Variants in TECPR2 observed in about 807,000 individuals in gnomAD.
TECPR2 encodes tectonin beta-propeller repeat-containing protein 2.
A neutral mutation model predicts 138.1 loss-of-function variants in TECPR2; 65 were observed. The observed-to-expected ratio is 0.47, with a 90% CI of 0.39 to 0.58. TECPR2 has a LOEUF of 0.58. TECPR2 is among the 20% of genes least tolerant of loss of function. The pLI is 0.00. For synonymous variants in TECPR2, 746 were observed against 749.8 expected (o/e 0.99, Z 0.08); for missense variants, 1,553 against 1,824.5 (o/e 0.85, Z 2.71).
chr14:102,488,603 C>T (rs1336179855), intron 17 of TECPR2, among the ~76,000 whole-genome samples: 3 of 152,010 alleles, frequency 2.0e-5, no homozygotes, highest in Non-Finnish European at 2.9e-5. Flanking sequence ...CTCAGCCTCC[C>T]GAAGTGCTGG....
intron 13 of TECPR2, among the ~76,000 whole-genome samples, chr14:102,447,385 A>G (rs1374489532): frequency 6.6e-6 from 1 of 152,096 alleles, no homozygotes; most frequent in Non-Finnish European, 1.5e-5. Flanking sequence ...CTGGGATTAC[A>G]GGTGTGAACC....
chr14:102,463,117 C>A (rs575359366), intron 16 of TECPR2, among the ~76,000 whole-genome samples: 1 of 152,106 alleles, frequency 6.6e-6, no homozygotes, highest in African/African-American at 2.4e-5. Flanking sequence ...GGGAAACTGG[C>A]GGTTTCTTTA....
At position 102,393,689 on chromosome 14, in the gene TECPR2, G is replaced by A. The variant is rs979016917; in HGVS notation, c.220-13649G>A. On this transcript the variant is annotated intron_variant, in intron 2 of 19. Coordinates refer to ENST00000359520, the MANE Select transcript of TECPR2 (RefSeq NM_014844.5). The stretch of plus-strand genomic sequence containing the variant: ...TTCTCCTGCCTCAGCCTCCCAAGTA[G>A]CTGAGATTACAGGTGCGCACCACTA... 3.3e-5 allele frequency among the ~76,000 whole-genome samples: 5 copies of A among 152,266 alleles called. No individual in the cohort carries two copies. The Middle Eastern group carries it at 0.01, about 311-fold the overall frequency.
chr14:102,490,330 G>A (rs889242825), intron 17 of TECPR2, among the ~76,000 whole-genome samples: 2 of 152,204 alleles, frequency 1.3e-5, no homozygotes, highest in African/African-American at 4.8e-5. Context: ...CCTCACTGAT[G>A]CCCAGCCCTG....
chr14:102,480,917 T>C (rs1289412539), intron 17 of TECPR2, among the ~76,000 whole-genome samples: 1 of 137,008 alleles, frequency 7.3e-6, no homozygotes, highest in East Asian at 2.4e-4. Flanking sequence ...TGATCTTGGC[T>C]CACTGCAACC....
chr14:102,468,322 G>A (rs187306437), intron 17 of TECPR2, among the ~76,000 whole-genome samples: 1 of 152,154 alleles, frequency 6.6e-6, no homozygotes, highest in Non-Finnish European at 1.5e-5. Context: ...TGAGTAGCTA[G>A]GATTACAGGC....
intron 17 of TECPR2, among the ~76,000 whole-genome samples, chr14:102,489,472 T>C (rs1183666039): frequency 6.6e-6 from 1 of 151,528 alleles, no homozygotes; most frequent in African/African-American, 2.4e-5. Context: ...TTTGGGAGGC[T>C]AAGGTGGGTG....
chr14:102,485,713 T>G (rs1479832087), intron 17 of TECPR2, among the ~76,000 whole-genome samples: 2 of 152,140 alleles, frequency 1.3e-5, no homozygotes, highest in Non-Finnish European at 2.9e-5. Context: ...TCGCGATGCT[T>G]GCCATGACCC....
chr14:102,457,613 G>C (rs1177784584), intron 16 of TECPR2, among the ~76,000 whole-genome samples: 1 of 152,040 alleles, frequency 6.6e-6, no homozygotes, highest in Admixed American at 6.6e-5. Flanking sequence ...GTCAGCAGTG[G>C]GCCGGGTGCA....
At chr14:102,380,327 CTG>C (rs1411950782) in intron 2 of TECPR2, among the ~76,000 whole-genome samples, 2 of 152,244 alleles carry the variant, frequency 1.3e-5, no homozygotes, top group African/African-American at 2.4e-5. Flanking sequence ...ATTTAAATGA[CTG>C]TGGATTTCTC....
At chr14:102,448,721 G>A (rs1367760624) in intron 13 of TECPR2, among the ~76,000 whole-genome samples, 1 of 151,904 alleles carries the variant, frequency 6.6e-6, no homozygotes, top group East Asian at 1.9e-4. Context: ...TAAAAAATTA[G>A]CCGGCTGTTG....
At chr14:102,486,425 G>A (rs994180704) in intron 17 of TECPR2, among the ~76,000 whole-genome samples, 1 of 152,164 alleles carries the variant, frequency 6.6e-6, no homozygotes, top group Non-Finnish European at 1.5e-5. Flanking sequence ...TCATCCTCCT[G>A]AGTACCTGGG....
chr14:102,378,027 G>C (rs930187513), intron 2 of TECPR2, among the ~76,000 whole-genome samples: 1 of 152,164 alleles, frequency 6.6e-6, no homozygotes, highest in Non-Finnish European at 1.5e-5. Flanking sequence ...GATGTTATTT[G>C]ACTGTGTTGT....
intron 12 of TECPR2, among the ~76,000 whole-genome samples, chr14:102,444,287 G>A (rs1889912708): frequency 6.6e-6 from 1 of 151,740 alleles, no homozygotes; most frequent in Admixed American, 6.6e-5. Context: ...TTGACCTCCG[G>A]GCTCAGGTGA....
At chr14:102,389,533 A>G (rs1229236774) in intron 2 of TECPR2, among the ~76,000 whole-genome samples, 1 of 152,232 alleles carries the variant, frequency 6.6e-6, no homozygotes, top group East Asian at 1.9e-4. Context: ...GAGAAGTCAG[A>G]AGACCAACAT....
intron 11 of TECPR2, among the ~76,000 whole-genome samples, chr14:102,441,110 G>A (rs1889817939): frequency 6.6e-6 from 1 of 152,056 alleles, no homozygotes. Flanking sequence ...TCTTGCCCAG[G>A]CTGGCATGCA....
At chr14:102,481,776 G>A (rs943207451) in intron 17 of TECPR2, among the ~76,000 whole-genome samples, 1 of 152,154 alleles carries the variant, frequency 6.6e-6, no homozygotes, top group Non-Finnish European at 1.5e-5. Context: ...AGCTGTGTTT[G>A]GTCCCCTGAC....
At chr14:102,409,760 C>T (rs1272294679) in intron 4 of TECPR2, among the ~76,000 whole-genome samples, 2 of 152,150 alleles carry the variant, frequency 1.3e-5, no homozygotes, top group Non-Finnish European at 2.9e-5. Context: ...TATGGGTTAT[C>T]TCTACCAAGT....
intron 9 of TECPR2, 143 bp downstream of exon 9, chr14:102,435,354 G>T: frequency 8.0e-7 from 1 of 1,243,138 alleles, no homozygotes. Context: ...TTTCAAGTCT[G>T]GGTTTCAGGG....
Sources: allele counts gnomAD v4.1 joint callset (sites outside exome capture counted in the v4.1 genomes callset), GRCh38; gene constraint gnomAD v4.1.1; transcripts MANE v1.5; gene names NCBI Gene and HGNC (gene_info 2026-07-23, HGNC 2026-07-21).